The following ARHGAP32 variants were observed in gnomAD, a reference collection of about 807,000 sequenced individuals.
ARHGAP32 encodes the protein rho GTPase-activating protein 32.
ARHGAP32 carries 51 observed loss-of-function variants against 186.5 expected under a neutral mutation model. The observed-to-expected ratio is 0.27, with a 90% CI of 0.22 to 0.35. The LOEUF is 0.35. Ranked by LOEUF, ARHGAP32 falls within the 10% of genes least tolerant of loss-of-function variation. ARHGAP32 has a pLI of 1.00. For synonymous variants in ARHGAP32, 950 were observed against 964.3 expected, an observed-to-expected ratio of 0.99 and a Z score of 0.27; for missense variants, 2,186 against 2,623.5, an observed-to-expected ratio of 0.83 and a Z score of 3.64.
At chr11:128,985,747 GGGGA>G (rs1234530083) in intron 15 of ARHGAP32, 1 of 163,546 alleles carries the variant, frequency 6.1e-6, no homozygotes, top group South Asian at 2.0e-4. Flanking sequence ...GCCAGGCCCT[GGGGA>G]TCTAAGGACA....
chr11:129,064,050 G>A lies in ARHGAP32; in HGVS notation c.763-26C>T, dbSNP rs1411369510. 1.9e-6 allele frequency: 3 copies of A among 1,567,058 alleles called. 1 individual carries two copies. Among genetic ancestry groups the A allele is most frequent in the South Asian group, 2.4e-5 (2 of 82,938 alleles). ...CTATCACAAAGAAAATGTACTATGA[G>A]ATAAAGACACTGGACTTGCAAATGC... On this transcript the variant is annotated intron_variant, in intron 8 of 22. Transcript: ENST00000682385.
intron 2 of ARHGAP32, among the ~76,000 whole-genome samples, chr11:129,140,901 T>G (rs113969346): frequency 6.6e-6 from 1 of 152,214 alleles, no homozygotes; most frequent in South Asian, 2.1e-4. Context: ...TTCCTTTCCC[T>G]TTCCATGGCA....
At chr11:129,156,172 C>A (rs1197970144) in intron 2 of ARHGAP32, among the ~76,000 whole-genome samples, 2 of 152,208 alleles carry the variant, frequency 1.3e-5, no homozygotes, top group Non-Finnish European at 2.9e-5. Flanking sequence ...GCCATTTGGG[C>A]AGACACCGAG....
chr11:128,969,305 G>A lies in ARHGAP32; in HGVS notation c.5908C>T (p.Pro1970Ser), dbSNP rs1401271025. 1.9e-6 allele frequency: 3 copies of A among 1,614,240 alleles called. No homozygotes were observed. Among genetic ancestry groups the A allele is most frequent in the South Asian group, 2.2e-5 (2 of 91,084 alleles). ...CTGGAGTGTTTCTCTGGGGCAGAAG[G>A]CTGCCTAACCCAGGGTCGCTCCATC... ...KEMERPWVRQ[P>S]SAPEKHSRDC... The change falls in exon 23 of 23, where the codon CCT becomes TCT. Residue 1970 changes from proline to serine, a missense_variant. Transcript: ENST00000682385. This position sits in a 1 kb window ranked among gnomAD's most constrained non-coding sequence, Gnocchi z 4.8.
At chr11:129,010,922 G>C (rs1196038177) in intron 11 of ARHGAP32, among the ~76,000 whole-genome samples, 1 of 152,138 alleles carries the variant, frequency 6.6e-6, no homozygotes, top group Admixed American at 6.5e-5. Flanking sequence ...ATATAAGAAA[G>C]CATTCTTTAA....
intron 5 of ARHGAP32, among the ~76,000 whole-genome samples, chr11:129,106,585 G>A (rs568020277): frequency 1.1e-4 from 16 of 152,052 alleles, no homozygotes; most frequent in African/African-American, 3.4e-4. Context: ...TTCTCAGTAC[G>A]TGGGTGATGG....
At chr11:129,147,599 G>C (rs1943192985) in intron 2 of ARHGAP32, among the ~76,000 whole-genome samples, 1 of 152,120 alleles carries the variant, frequency 6.6e-6, no homozygotes, top group South Asian at 2.1e-4. Context: ...AGAAAAATGA[G>C]AGTAATACAG....
intron 2 of ARHGAP32, among the ~76,000 whole-genome samples, chr11:129,139,068 T>A (rs183235976): frequency 1.3e-5 from 2 of 152,306 alleles, no homozygotes; most frequent in East Asian, 3.9e-4. Context: ...AAATTTTATA[T>A]TTTAAAACTT....
chr11:129,141,232 T>C (rs537305273), intron 2 of ARHGAP32, among the ~76,000 whole-genome samples: 3 of 152,278 alleles, frequency 2.0e-5, no homozygotes, highest in African/African-American at 7.2e-5. Context: ...TTTGAAGACA[T>C]TTGTATAAGG....
intron 1 of ARHGAP32, among the ~76,000 whole-genome samples, chr11:129,212,013 G>T (rs1944587566): frequency 6.6e-6 from 1 of 152,004 alleles, no homozygotes. Context: ...AATTAGGCAG[G>T]CATGCCTGGT....
chr11:129,245,743 T>G (rs55893868), intron 1 of ARHGAP32, among the ~76,000 whole-genome samples: 1 of 151,458 alleles, frequency 6.6e-6, no homozygotes, highest in Non-Finnish European at 1.5e-5. Flanking sequence ...CAGCTTAGTA[T>G]ATCACCATTA....
At chr11:129,098,416 T>C (rs554689304) in intron 5 of ARHGAP32, among the ~76,000 whole-genome samples, 1 of 152,016 alleles carries the variant, frequency 6.6e-6, no homozygotes, top group Admixed American at 6.5e-5. Flanking sequence ...ATTTTTCTTT[T>C]TCTTTTTTCT....
intron 1 of ARHGAP32, among the ~76,000 whole-genome samples, chr11:129,183,721 C>A (rs1183035565): frequency 1.3e-5 from 2 of 152,100 alleles, no homozygotes; most frequent in Non-Finnish European, 2.9e-5. Context: ...AAGACCCCAC[C>A]TGCCAGCTGA....
chr11:129,279,211 C>A, exon 1 of ARHGAP32: 1 of 133,436 alleles, frequency 7.5e-6, no homozygotes, highest in South Asian at 2.0e-4. Flanking sequence ...CCGTGTCTGC[C>A]CTCCGCGGGC....
chr11:129,191,090 A>G (rs1565463048), intron 1 of ARHGAP32, among the ~76,000 whole-genome samples: 1 of 152,202 alleles, frequency 6.6e-6, no homozygotes, highest in Non-Finnish European at 1.5e-5. Flanking sequence ...AAAAAATAAA[A>G]TTTGTGGATA....
At chr11:129,186,028 T>TA (rs748365167) in intron 1 of ARHGAP32, among the ~76,000 whole-genome samples, 30 of 151,040 alleles carry the variant, frequency 2.0e-4, no homozygotes, top group East Asian at 3.9e-4. Context: ...ATATTTAATT[T>TA]AAAAAAAAAG....
chr11:129,226,232 C>A (rs923216064), intron 1 of ARHGAP32, among the ~76,000 whole-genome samples: 2 of 152,128 alleles, frequency 1.3e-5, no homozygotes, highest in African/African-American at 2.4e-5. Context: ...TTAAAGAAAT[C>A]ATGGCCAAAA....
chr11:128,983,604 T>C (rs1945778324), intron 15 of ARHGAP32, among the ~76,000 whole-genome samples: 1 of 151,684 alleles, frequency 6.6e-6, no homozygotes, highest in East Asian at 1.9e-4. Flanking sequence ...GTAACAAACC[T>C]GCATATTGTG....
chr11:129,066,930 G>T, intron 6 of ARHGAP32, 62 bp from the exon 7 acceptor site: 1 of 1,327,980 alleles, frequency 7.5e-7, no homozygotes, highest in South Asian at 1.4e-5. Context: ...TATGAATCAG[G>T]CCATATTCTA....
Sources: gnomAD v4.1 joint callset for allele counts (sites outside exome capture counted in the v4.1 genomes callset) on GRCh38, gnomAD v4.1.1 for gene constraint, Gnocchi (gnomAD v3.1) non-coding constraint, MANE v1.5 for transcripts, NCBI Gene and HGNC (gene_info 2026-07-23, HGNC 2026-07-21) for gene names.